The following MACF1 variants were observed in gnomAD, a reference collection of about 807,000 sequenced individuals.
The protein encoded by MACF1 is microtubule actin crosslinking factor 1.
In MACF1, 193 loss-of-function variants were observed where a neutral mutation model predicts 854.8. That is an observed-to-expected ratio of 0.23 (90% CI 0.20 to 0.25). The LOEUF (loss-of-function observed/expected upper bound fraction) is 0.25, where lower values mean the gene tolerates loss of function less well. MACF1 is among the 10% of genes least tolerant of loss of function. MACF1 has a pLI of 1.00. For missense variants in MACF1, 7,722 were observed against 8,929.1 expected (o/e 0.86, Z 5.45); for synonymous variants, 3,185 against 3,226.7 (o/e 0.99, Z 0.44).
chr1:39,462,253 A>C (rs780056503), intron 93 of MACF1, among the ~76,000 whole-genome samples: 1 of 152,140 alleles, frequency 6.6e-6, no homozygotes, highest in African/African-American at 2.4e-5. Context: ...GGATTACTCA[A>C]GTGAGTCATG....
At chr1:39,123,724 T>G (rs994598881) in intron 2 of MACF1, among the ~76,000 whole-genome samples, 71 of 137,616 alleles carry the variant, frequency 5.2e-4, no homozygotes, top group African/African-American at 1.8e-3. Context: ...TTTGTTTTTT[T>G]TTTTTTTTTT....
intron 23 of MACF1, among the ~76,000 whole-genome samples, chr1:39,307,565 G>GGAT (rs1166952107): frequency 3.3e-5 from 5 of 151,758 alleles, no homozygotes; most frequent in African/African-American, 1.2e-4. Context: ...GTTTTTTCTT[G>GGAT]GATGATGATG....
chr1:39,393,196 A>ATATATATATATATATATATAT (rs1553345252), intron 58 of MACF1, among the ~76,000 whole-genome samples: 1 of 66,564 alleles, frequency 1.5e-5, no homozygotes, highest in African/African-American at 8.4e-5. Flanking sequence ...AAAAAAAAAA[A>ATATATATATATATATATATAT]ATATATATAT....
rs1311965273 is a variant in MACF1, at chr1:39,205,047, T to A, written c.25T>A (p.Leu9Ile). Residue 9 changes from leucine (L) to isoleucine (I), a missense_variant, in exon 1 of 101, where the codon TTA (leucine) becomes ATA (isoleucine). Coordinates refer to ENST00000564288, the MANE Select transcript of MACF1 (RefSeq NM_001394062.1). ...AATGCCCCTCTTAGATTCATCTTATTTACCACCAACCATCTTTATTTTGAC... is the reference window on the plus strand; with the variant it reads ...AATGCCCCTCTTAGATTCATCTTATATACCACCAACCATCTTTATTTTGAC... MPLLDSSY[L>I]PPTIFILTHV... is the part of the protein sequence containing the mutation. 2.8e-6 allele frequency: 2 copies of A among 703,036 alleles called. No homozygotes were observed. The highest frequency in any genetic ancestry group is 5.2e-6 in the Non-Finnish European group (2 of 385,012). The allele number at this position is 703,036 out of a possible 1,614,324, so 43.5% of individuals were successfully genotyped here.
At chr1:39,198,744 G>A (rs556533030) in intron 2 of MACF1, among the ~76,000 whole-genome samples, 1 of 151,724 alleles carries the variant, frequency 6.6e-6, no homozygotes, top group South Asian at 2.1e-4. Context: ...AGAATTGCTT[G>A]AACCCAGGAG....
At chr1:39,127,654 T>A (rs1341948631) in intron 2 of MACF1, among the ~76,000 whole-genome samples, 1 of 152,152 alleles carries the variant, frequency 6.6e-6, no homozygotes, top group Non-Finnish European at 1.5e-5. Context: ...TTGGCTTGAG[T>A]CTCCTTTTCT....
chr1:39,422,620 A>G (rs185626435), intron 59 of MACF1, 85 bp downstream of exon 59: 60 of 1,538,546 alleles, frequency 3.9e-5, no homozygotes, highest in Admixed American at 6.0e-5. Flanking sequence ...CGAAACCTGA[A>G]TGGAAATAAA....
chr1:39,215,076 G>T lies in MACF1; in HGVS notation c.109+9945G>T, dbSNP rs530373507. On this transcript the variant is annotated intron_variant, in intron 1 of 100. Transcript: ENST00000564288. The stretch of plus-strand genomic sequence containing the variant: ...GCTCTCCCCTCTGTACGCTCTATTG[G>T]TCTGGAAACACAGAGTTGGTGCTAC... Among the ~76,000 whole-genome samples the T allele has an allele frequency of 2.0e-5, 3 of 152,296 alleles. No individual in the cohort carries two copies. In the East Asian group the frequency reaches 5.8e-4, roughly 29 times the overall value.
chr1:39,431,501 CA>C (rs1643875243), intron 66 of MACF1, among the ~76,000 whole-genome samples: 1 of 152,158 alleles, frequency 6.6e-6, no homozygotes, highest in Admixed American at 6.5e-5. Flanking sequence ...TAGTGATGAA[CA>C]TATGCTTTTT....
intron 49 of MACF1, among the ~76,000 whole-genome samples, chr1:39,365,555 A>G (rs1316060374): frequency 1.3e-5 from 2 of 152,244 alleles, no homozygotes; most frequent in Non-Finnish European, 2.9e-5. Flanking sequence ...GGTCCCAAGC[A>G]TAAAGGATAT....
chr1:39,412,115 C>T, intron 58 of MACF1: 1 of 1,614,004 alleles, frequency 6.2e-7, no homozygotes, highest in Non-Finnish European at 8.5e-7. Flanking sequence ...GAAAAATTAT[C>T]AGGCTTCATT....
chr1:39,298,679 A>G (rs1645975877), intron 21 of MACF1: 1 of 429,442 alleles, frequency 2.3e-6, no homozygotes, highest in African/African-American at 2.1e-5. Flanking sequence ...TAAACCTATG[A>G]GTGGTTTTAC....
rs1361274670 is a variant in MACF1 at position 39,333,704 on chromosome 1, T to C, written c.7116T>C (p.Gly2372=). 3 of 1,614,078 alleles carry C rather than the reference T, an allele frequency of 1.9e-6. No individual in the cohort carries two copies. The highest frequency in any genetic ancestry group is 2.5e-6 in the Non-Finnish European group (3 of 1,180,030). ...TCATGGCAGACAAAGCTATAAGTGG[T>C]GTCTTAGACCCCCGTACCCAGACAC... is the stretch of plus-strand genomic sequence containing the variant. The part of the protein sequence containing the change: ...NVLMADKAIS[G]VLDPRTQTLC... The change falls in exon 37 of 101, where the codon GGT becomes GGC. Residue 2372 remains glycine (G), a synonymous_variant. Coordinates refer to ENST00000564288, the MANE Select transcript of MACF1 (RefSeq NM_001394062.1).
At chr1:39,187,685 A>G (rs1293359889) in intron 2 of MACF1, among the ~76,000 whole-genome samples, 1 of 152,194 alleles carries the variant, frequency 6.6e-6, no homozygotes, top group Non-Finnish European at 1.5e-5. Context: ...TCTAGGTTGC[A>G]AATCACTTTC....
At chr1:39,379,518 C>T (rs1649997235) in intron 54 of MACF1, 74 bp downstream of exon 54, 2 of 1,514,272 alleles carry the variant, frequency 1.3e-6, no homozygotes, top group South Asian at 2.7e-5. Context: ...TGCCCAAGCC[C>T]AGGTATCTGA....
intron 2 of MACF1, among the ~76,000 whole-genome samples, chr1:39,164,076 T>A (rs1643859357): frequency 6.6e-6 from 1 of 152,204 alleles, no homozygotes; most frequent in South Asian, 2.1e-4. Context: ...TTTATCTACA[T>A]CATGATTTTT....
intron 97 of MACF1, among the ~76,000 whole-genome samples, chr1:39,469,974 A>G (rs1285626296): frequency 6.6e-6 from 1 of 152,200 alleles, no homozygotes; most frequent in Non-Finnish European, 1.5e-5. Context: ...TAATTTGCCC[A>G]AAGACAAACA....
intron 1 of MACF1, among the ~76,000 whole-genome samples, chr1:39,211,825 G>A (rs886686769): frequency 6.6e-6 from 1 of 151,912 alleles, no homozygotes; most frequent in African/African-American, 2.4e-5. Flanking sequence ...AGGTTGCAGC[G>A]AGCCGAGATC....
rs1641853305 is a variant in MACF1 at position 39,387,509 on chromosome 1, A to C, written c.14667A>C (p.Lys4889Asn). 1 of 1,614,102 alleles carries C rather than the reference A, an allele frequency of 6.2e-7. No individual in the cohort carries two copies. Among genetic ancestry groups the C allele is most frequent in the Admixed American group, 1.7e-5 (1 of 59,998 alleles). ...AAAACCATTGGGAAGAGCTTAGTAA[A>C]AAAACTGCAGACAGACAATCCAGGC... ...ELKNHWEELS[K>N]KTADRQSRLK... The change falls in exon 58 of 101, where the codon AAA (lysine) becomes AAC (asparagine). Residue 4889 changes from lysine to asparagine, a missense_variant. Physicochemically the swap from Lys to Asn is moderately conservative, Grantham distance 94 (BLOSUM62 0). Around this residue, in one of 15 missense-constraint regions of MACF1, gnomAD observed 2,807 missense variants for 3,235.8 expected, o/e 0.87. Coordinates refer to ENST00000564288, the MANE Select transcript of MACF1 (RefSeq NM_001394062.1).
Sources: gnomAD v4.1 joint callset for allele counts (sites outside exome capture counted in the v4.1 genomes callset) on GRCh38, gnomAD v4.1.1 for gene constraint, gnomAD v4.1.1 regional missense constraint, MANE v1.5 for transcripts, NCBI Gene and HGNC (gene_info 2026-07-23, HGNC 2026-07-21) for gene names.